CDKL5: variants seen among roughly 807,000 people sequenced by gnomAD.
CDKL5 encodes the protein cyclin-dependent kinase-like 5.
CDKL5 carries 8 observed loss-of-function variants against 61.7 expected under a neutral mutation model. That is an observed-to-expected ratio of 0.13 (90% CI 0.08 to 0.23). CDKL5 has a LOEUF of 0.23. Among genes scored for constraint, CDKL5 ranks in the 10% least tolerant of loss-of-function variants. The pLI is 1.00. For missense variants in CDKL5, 440 were observed against 734.5 expected (o/e 0.60, Z 4.63); for synonymous variants, 275 against 272.3 (o/e 1.01, Z -0.10).
At chrX:18,493,556 C>T (rs1922063852) in intron 1 of CDKL5, among the ~76,000 whole-genome samples, 1 of 112,478 alleles carries the variant, frequency 8.9e-6, no homozygotes, top group Non-Finnish European at 1.9e-5. Flanking sequence ...TAAAGCATTT[C>T]AAACATGAAA....
At chrX:18,598,931 C>T (rs1022933705) in intron 11 of CDKL5, among the ~76,000 whole-genome samples, 7 of 111,265 alleles carry the variant, frequency 6.3e-5, no homozygotes, top group African/African-American at 2.0e-4. Flanking sequence ...CAGTGATACC[C>T]GGAGGAAGAA....
At chrX:18,452,357 A>G (rs965572856) in intron 1 of CDKL5, among the ~76,000 whole-genome samples, 1 of 112,045 alleles carries the variant, frequency 8.9e-6, no homozygotes, top group Non-Finnish European at 1.9e-5. Flanking sequence ...TAGGACATCT[A>G]TGAGCTTATT....
chrX:18,438,557 G>A (rs960823490), intron 1 of CDKL5, among the ~76,000 whole-genome samples: 7 of 107,422 alleles, frequency 6.5e-5, no homozygotes, highest in African/African-American at 2.4e-4. Flanking sequence ...TTGGGAGGCC[G>A]AGGCAGGTGG....
At chrX:18,553,656 C>G (rs1485464753) in intron 3 of CDKL5, among the ~76,000 whole-genome samples, 1 of 110,835 alleles carries the variant, frequency 9.0e-6, no homozygotes, top group Non-Finnish European at 1.9e-5. Context: ...CCACGCTGGG[C>G]TAATTTTTTT....
chrX:18,546,805 A>C (rs986559164), intron 3 of CDKL5, among the ~76,000 whole-genome samples: 8 of 111,219 alleles, frequency 7.2e-5, no homozygotes, highest in Non-Finnish European at 1.5e-4. Context: ...ATTCCAGTGC[A>C]GTTGTGGTGA....
At chrX:18,574,705 C>T (rs372637176) in intron 4 of CDKL5, among the ~76,000 whole-genome samples, 22 of 111,074 alleles carry the variant, frequency 2.0e-4, no homozygotes, top group African/African-American at 6.9e-4. Flanking sequence ...ATGGACATGC[C>T]ACAGGGAGGA....
chrX:18,628,508 C>T lies in CDKL5; in HGVS notation c.2634C>T (p.Pro878=). The change falls in exon 18 of 18, where the codon CCC becomes CCT. Residue 878 remains proline, a synonymous_variant. Coordinates refer to ENST00000623535, the MANE Select transcript of CDKL5 (RefSeq NM_001323289.2). The part of the protein sequence containing the change: ...KNSFSEIRIH[P]LSQASGGSSN... ...CCTTCTCAGAAATTCGGATTCACCC[C>T]CTGAGCCAGGCCTCTGGCGGGAGCA... 1.6e-6 allele frequency: 2 copies of T among 1,212,176 alleles called. No individual in the cohort carries two copies. The highest frequency in any genetic ancestry group is 2.2e-6 in the Non-Finnish European group (2 of 895,598).
chrX:18,455,866 C>T (rs772887619), intron 1 of CDKL5, among the ~76,000 whole-genome samples: 2 of 111,672 alleles, frequency 1.8e-5, no homozygotes, highest in African/African-American at 6.5e-5. Context: ...TTATGCAGCA[C>T]GTGACTACCT....
At chrX:18,454,869 A>G (rs971852091) in intron 1 of CDKL5, among the ~76,000 whole-genome samples, 4 of 105,819 alleles carry the variant, frequency 3.8e-5, no homozygotes, top group African/African-American at 1.4e-4. Flanking sequence ...TCATTGCATC[A>G]CTATAATAGT....
intron 1 of CDKL5, among the ~76,000 whole-genome samples, chrX:18,473,032 T>G (rs1428504068): frequency 1.9e-5 from 2 of 105,932 alleles, no homozygotes; most frequent in African/African-American, 6.9e-5. Context: ...CTCGGCTCAC[T>G]GCAACCTCTG....
chrX:18,519,558 A>G (rs1165204325), intron 3 of CDKL5, among the ~76,000 whole-genome samples: 2 of 111,586 alleles, frequency 1.8e-5, no homozygotes, highest in African/African-American at 3.3e-5. Flanking sequence ...CTGGGCAGGA[A>G]GTTTTGTATT....
At chrX:18,515,451 C>A (rs1400352075) in intron 3 of CDKL5, among the ~76,000 whole-genome samples, 1 of 111,454 alleles carries the variant, frequency 9.0e-6, no homozygotes, top group Non-Finnish European at 1.9e-5. Context: ...GGGGTACAGC[C>A]TATAAGTGTT....
At chrX:18,490,994 C>T (rs1031026496) in intron 1 of CDKL5, among the ~76,000 whole-genome samples, 5 of 112,009 alleles carry the variant, frequency 4.5e-5, no homozygotes, top group South Asian at 7.4e-4. Flanking sequence ...TATGTTTTTT[C>T]CCTTTGACAT....
At position 18,625,282 on chromosome X, in the gene CDKL5, A is replaced by G. The variant is rs1433261809; in HGVS notation, c.2496+35A>G. 6.7e-6 allele frequency: 8 copies of G among 1,200,581 alleles called. No homozygotes were observed. In the South Asian group the frequency reaches 1.4e-4, roughly 21 times the overall value. The stretch of plus-strand genomic sequence containing the variant: ...TCCTGCACCACTGCTAGACTCTCCA[A>G]CTCTCCAGTAACTGTCCTGAGGAGC... On this transcript the variant is annotated intron_variant, in intron 17 of 17. Coordinates refer to ENST00000623535, the MANE Select transcript of CDKL5 (RefSeq NM_001323289.2).
intron 1 of CDKL5, among the ~76,000 whole-genome samples, chrX:18,432,592 T>G (rs1931520848): frequency 1.8e-5 from 2 of 108,753 alleles, no homozygotes; most frequent in Non-Finnish European, 3.8e-5. Context: ...CATGTAGATC[T>G]TAAAAGATGT....
chrX:18,441,534 G>A (rs1008767146), intron 1 of CDKL5, among the ~76,000 whole-genome samples: 1 of 111,958 alleles, frequency 8.9e-6, no homozygotes, highest in Non-Finnish European at 1.9e-5. Flanking sequence ...ATAGTTAGAT[G>A]GTTTCACTGG....
intron 19 of CDKL5, among the ~76,000 whole-genome samples, chrX:18,645,264 C>A (rs956432303): frequency 1.8e-5 from 2 of 111,566 alleles, no homozygotes; most frequent in Non-Finnish European, 3.8e-5. Context: ...AAGCCCTGGG[C>A]CACCTTCTCT....
At chrX:18,536,440 T>G (rs1237536687) in intron 3 of CDKL5, among the ~76,000 whole-genome samples, 2 of 66,542 alleles carry the variant, frequency 3.0e-5, no homozygotes, top group Non-Finnish European at 5.6e-5. Flanking sequence ...AGGTTTTTTT[T>G]TTTTTTTTTT....
intron 15 of CDKL5, among the ~76,000 whole-genome samples, chrX:18,617,262 C>T (rs940038493): frequency 1.8e-5 from 2 of 111,744 alleles, no homozygotes; most frequent in East Asian, 2.8e-4. Flanking sequence ...GCCCTCCTCC[C>T]GTACTGTTTT....
Sources: allele counts gnomAD v4.1 joint callset (sites outside exome capture counted in the v4.1 genomes callset), GRCh38; gene constraint gnomAD v4.1.1; transcripts MANE v1.5; gene names NCBI Gene and HGNC (gene_info 2026-07-23, HGNC 2026-07-21).